EPB41L2: variants seen among roughly 807,000 people sequenced by gnomAD.
The protein encoded by EPB41L2 is erythrocyte membrane protein band 4.1 like 2.
In EPB41L2, 43 loss-of-function variants were observed where a neutral mutation model predicts 113.0. The ratio of observed to expected loss-of-function variants is 0.38; its 90% CI spans 0.30 to 0.49. The LOEUF is 0.49. Among genes scored for constraint, EPB41L2 ranks in the 20% least tolerant of loss-of-function variants. EPB41L2 has a pLI of 0.95. For missense variants in EPB41L2, 1,147 were observed against 1,223.4 expected, an observed-to-expected ratio of 0.94 and a Z score of 0.93; for synonymous variants, 442 against 436.7, an observed-to-expected ratio of 1.01 and a Z score of -0.15.
intron 3 of EPB41L2, among the ~76,000 whole-genome samples, chr6:130,948,082 TTCA>T (rs1813549364): frequency 6.6e-6 from 1 of 152,240 alleles, no homozygotes; most frequent in Non-Finnish European, 1.5e-5. Context: ...TTAAGCTTAT[TTCA>T]TCATGTCTTG....
intron 19 of EPB41L2, among the ~76,000 whole-genome samples, chr6:130,849,229 G>A (rs1348300503): frequency 1.3e-5 from 2 of 152,194 alleles, no homozygotes; most frequent in Non-Finnish European, 2.9e-5. Context: ...CAGGCTCAAT[G>A]TCATCAGAGC....
chr6:131,015,667 T>C (rs1175019778), intron 1 of EPB41L2, among the ~76,000 whole-genome samples: 4 of 152,312 alleles, frequency 2.6e-5, no homozygotes, highest in Admixed American at 2.6e-4. Flanking sequence ...ACAAAAGAGA[T>C]GAAAAATACA....
Position 130,895,084 on chromosome 6 carries a change from A to G in EPB41L2, c.1272T>C (p.Cys424=). ...SEGVDIKLGV[C]ANGLLIYKDR... is the part of the protein sequence containing the mutation. ...CTTTGTAAATGAGAAGTCCATTAGC[A>G]CACACGCCCAGCTTGATGTCCACAC... The change falls in exon 9 of 20, where the codon TGT becomes TGC. Residue 424 remains cysteine, a synonymous_variant. Transcript: ENST00000337057. 2 of 1,613,314 alleles carry G rather than the reference A, an allele frequency of 1.2e-6. No individual in the cohort carries two copies. Among genetic ancestry groups the G allele is most frequent in the Non-Finnish European group, 1.7e-6 (2 of 1,179,516 alleles).
chr6:130,900,772 C>T (rs1343844311), intron 7 of EPB41L2, among the ~76,000 whole-genome samples, 190 bp downstream of exon 7: 1 of 152,154 alleles, frequency 6.6e-6, no homozygotes, highest in South Asian at 2.1e-4. Context: ...TATAGTTTCT[C>T]AGACGGTAGT....
intron 10 of EPB41L2, among the ~76,000 whole-genome samples, chr6:130,893,952 G>C (rs1229228585): frequency 6.6e-6 from 1 of 152,148 alleles, no homozygotes; most frequent in Admixed American, 6.5e-5. Flanking sequence ...GTGGTGGAAG[G>C]AAAGGTGGTT....
intron 4 of EPB41L2, among the ~76,000 whole-genome samples, chr6:130,918,902 T>C (rs951700002): frequency 2.0e-5 from 3 of 152,104 alleles, no homozygotes; most frequent in Non-Finnish European, 1.5e-5. Flanking sequence ...GTTAGTATAA[T>C]AGTAATAAAT....
At chr6:130,919,191 A>T (rs1243674636) in intron 4 of EPB41L2, among the ~76,000 whole-genome samples, 3 of 152,188 alleles carry the variant, frequency 2.0e-5, no homozygotes, top group Non-Finnish European at 4.4e-5. Flanking sequence ...TATACAAAGC[A>T]TGTGTCTAAT....
chr6:131,018,019 C>T (rs534715576), intron 1 of EPB41L2, among the ~76,000 whole-genome samples: 2 of 152,048 alleles, frequency 1.3e-5, no homozygotes, highest in South Asian at 4.2e-4. Flanking sequence ...ATTTTTAATC[C>T]TTGTAGCATA....
At chr6:131,018,484 T>C (rs759595469) in intron 1 of EPB41L2, among the ~76,000 whole-genome samples, 4 of 152,180 alleles carry the variant, frequency 2.6e-5, no homozygotes, top group Non-Finnish European at 5.9e-5. Context: ...GCCTTACAAA[T>C]GTATGACACC....
intron 3 of EPB41L2, among the ~76,000 whole-genome samples, chr6:130,951,363 C>T (rs1311599932): frequency 1.6e-5 from 2 of 124,664 alleles, no homozygotes; most frequent in East Asian, 2.3e-4. Context: ...CTCACTCTGT[C>T]GCCCAGGCTG....
intron 3 of EPB41L2, among the ~76,000 whole-genome samples, chr6:130,938,428 GA>G (rs1308449454): frequency 6.6e-6 from 1 of 152,224 alleles, no homozygotes; most frequent in African/African-American, 2.4e-5. Context: ...GAGGGAGGGG[GA>G]CCTGGCTGGG....
chr6:131,029,037 T>C (rs1791483849), intron 1 of EPB41L2, among the ~76,000 whole-genome samples: 1 of 152,348 alleles, frequency 6.6e-6, no homozygotes, highest in African/African-American at 2.4e-5. Context: ...CAATTCTCTC[T>C]AGGAGATCAA....
chr6:131,061,221 G>C (rs903082083), intron 1 of EPB41L2, among the ~76,000 whole-genome samples: 10 of 152,074 alleles, frequency 6.6e-5, no homozygotes, highest in African/African-American at 2.4e-4. Flanking sequence ...TCTTGTTCTC[G>C]GCAGTCTGTC....
At chr6:131,056,044 T>C (rs953323804) in intron 1 of EPB41L2, among the ~76,000 whole-genome samples, 1 of 152,224 alleles carries the variant, frequency 6.6e-6, no homozygotes, top group Non-Finnish European at 1.5e-5. Context: ...GACCAAGTGC[T>C]ACACCATCAT....
At chr6:131,021,882 G>A (rs1004531578) in intron 1 of EPB41L2, among the ~76,000 whole-genome samples, 7 of 152,130 alleles carry the variant, frequency 4.6e-5, no homozygotes, top group East Asian at 3.9e-4. Context: ...ACTATAAGCC[G>A]GCAGTCCCAA....
chr6:130,884,619 T>G (rs1790351903), intron 12 of EPB41L2, among the ~76,000 whole-genome samples: 1 of 152,242 alleles, frequency 6.6e-6, no homozygotes. Flanking sequence ...CAACACACCA[T>G]GTTCTCACTC....
chr6:131,008,337 A>G (rs898028850), intron 1 of EPB41L2, among the ~76,000 whole-genome samples: 5 of 152,252 alleles, frequency 3.3e-5, no homozygotes, highest in Non-Finnish European at 7.3e-5. Flanking sequence ...GCGGGCGCGC[A>G]GAAGTTAAAA....
intron 19 of EPB41L2, among the ~76,000 whole-genome samples, chr6:130,854,480 C>G (rs1165436629): frequency 1.3e-5 from 2 of 152,042 alleles, no homozygotes; most frequent in African/African-American, 4.8e-5. Context: ...GTGTGTGTGT[C>G]TGTGTGTGTC....
At chr6:130,880,417 G>A (rs1455451737) in intron 12 of EPB41L2, 1 of 629,444 alleles carries the variant, frequency 1.6e-6, no homozygotes, top group Non-Finnish European at 2.8e-6. Context: ...GCAGGCAGCA[G>A]TCATGAGATG....
Sources: allele counts gnomAD v4.1 joint callset (sites outside exome capture counted in the v4.1 genomes callset), GRCh38; gene constraint gnomAD v4.1.1; transcripts MANE v1.5; gene names NCBI Gene and HGNC (gene_info 2026-07-23, HGNC 2026-07-21).